The following FAM53A variants were observed in gnomAD, a reference collection of about 807,000 sequenced individuals.
FAM53A encodes protein FAM53A.
Under a neutral mutation model 26.6 loss-of-function variants are expected in FAM53A, and 28 were observed. The observed-to-expected ratio is 1.05, with a 90% CI of 0.78 to 1.45. The LOEUF is 1.45. Ranked by LOEUF, FAM53A falls within the 40% of genes most tolerant of loss-of-function variation. FAM53A has a pLI of 0.00. For missense variants in FAM53A, 650 were observed against 575.8 expected (o/e 1.13, Z -1.32); for synonymous variants, 290 against 253.1 (o/e 1.15, Z -1.38).
the FAM53A span, among the ~76,000 whole-genome samples, chr4:1,594,660 T>C: frequency 1.3e-5 from 2 of 151,830 alleles, no homozygotes. Flanking sequence ...CTGGGCAACA[T>C]AGGGAGACTC....
At chr4:1,674,327 G>C (rs1577153430) in intron 1 of FAM53A, among the ~76,000 whole-genome samples, 2 of 152,200 alleles carry the variant, frequency 1.3e-5, no homozygotes, top group East Asian at 3.9e-4. Flanking sequence ...CCAATGATTG[G>C]GTTAGAGCCG....
chr4:1,669,561 G>A (rs1354448543), intron 1 of FAM53A, among the ~76,000 whole-genome samples: 1 of 152,220 alleles, frequency 6.6e-6, no homozygotes, highest in Non-Finnish European at 1.5e-5. Flanking sequence ...GAGGTGCCCA[G>A]CAAGGTGGCC....
chr4:1,614,511 G>C (rs1364943441), downstream of FAM53A, among the ~76,000 whole-genome samples: 22 of 146,800 alleles, frequency 1.5e-4, no homozygotes, highest in South Asian at 8.9e-4. Flanking sequence ...ACGTGAGGGG[G>C]ATGCAGAGAC....
chr4:1,605,970 C>T, the FAM53A span, among the ~76,000 whole-genome samples: 3 of 152,014 alleles, frequency 2.0e-5, no homozygotes, highest in Non-Finnish European at 4.4e-5. This position sits in a 1 kb window ranked among gnomAD's most constrained non-coding sequence, Gnocchi z 5.7. Flanking sequence ...GGCAGCATGA[C>T]TGACGTTAGC....
chr4:1,685,910 C>T (rs1378160584), upstream of FAM53A, among the ~76,000 whole-genome samples: 3 of 152,158 alleles, frequency 2.0e-5, no homozygotes, highest in Admixed American at 2.0e-4. Flanking sequence ...CATCCTGGCC[C>T]CTGTGGACTG....
chr4:1,625,202 G>C (rs113926006), intron 1 of FAM53A, among the ~76,000 whole-genome samples: 3 of 29,084 alleles, frequency 1.0e-4, no homozygotes, highest in Admixed American at 3.6e-4. Context: ...TGATCAGAAG[G>C]CCCCACGTCC....
chr4:1,656,046 T>C (rs1435959317), intron 3 of FAM53A, among the ~76,000 whole-genome samples: 1 of 152,154 alleles, frequency 6.6e-6, no homozygotes, highest in Non-Finnish European at 1.5e-5. Context: ...TCTTCCCGCA[T>C]CCTCAAAATG....
downstream of FAM53A, among the ~76,000 whole-genome samples, chr4:1,637,331 G>A (rs1444321711): frequency 6.6e-6 from 1 of 152,218 alleles, no homozygotes; most frequent in East Asian, 1.9e-4. Flanking sequence ...CTGCCAGGGA[G>A]GCTCCCAGCC....
At chr4:1,618,870 G>A (rs1714909631) in intron 1 of FAM53A, among the ~76,000 whole-genome samples, 1 of 152,140 alleles carries the variant, frequency 6.6e-6, no homozygotes. Context: ...GGGCTGGGCT[G>A]AGGCCTCCAC....
downstream of FAM53A, among the ~76,000 whole-genome samples, chr4:1,638,145 G>C (rs1159244572): frequency 1.3e-5 from 2 of 151,964 alleles, no homozygotes; most frequent in Non-Finnish European, 2.9e-5. Flanking sequence ...CCGGCCTCAG[G>C]CAGGTGACCC....
rs1161160834 is a variant in FAM53A at position 1,641,621 on chromosome 4, G to T, written c.883-14C>A. ...ATTTTTTAAAGTCTGCAATAGAAAA[G>T]ATACGGGCTTAAAGCATTTCTAGCA... On this transcript the variant is annotated splice_polypyrimidine_tract_variant and intron_variant, in intron 4 of 4. Coordinates refer to ENST00000308132, the MANE Select transcript of FAM53A (RefSeq NM_001174070.3). 1 of 1,613,684 alleles carries T rather than the reference G, an allele frequency of 6.2e-7. No individual in the cohort carries two copies. The highest frequency in any genetic ancestry group is 1.1e-5 in the South Asian group (1 of 91,004).
chr4:1,603,040 G>A, the FAM53A span, among the ~76,000 whole-genome samples: 2 of 152,276 alleles, frequency 1.3e-5, no homozygotes, highest in South Asian at 2.1e-4. Context: ...ATTTCACAAC[G>A]AGGGCCCTGA....
At chr4:1,669,490 G>C (rs752736786) in intron 1 of FAM53A, among the ~76,000 whole-genome samples, 6 of 152,232 alleles carry the variant, frequency 3.9e-5, no homozygotes, top group South Asian at 2.1e-4. Context: ...AGATCCGTCT[G>C]TACTGCAGGC....
chr4:1,594,753 G>A, the FAM53A span, among the ~76,000 whole-genome samples: 2 of 152,186 alleles, frequency 1.3e-5, no homozygotes, highest in South Asian at 2.1e-4. Flanking sequence ...TGAGACAGGA[G>A]GATCACTTGA....
downstream of FAM53A, among the ~76,000 whole-genome samples, chr4:1,613,377 C>G (rs1714698019): frequency 6.6e-6 from 1 of 152,210 alleles, no homozygotes; most frequent in Admixed American, 6.5e-5. Flanking sequence ...CCCTCAAAAC[C>G]CTCGGTAAGG....
rs977626442 is a variant in FAM53A, at chr4:1,659,625, T to TC, written c.76-2158dup. On this transcript the variant is annotated intron_variant, in intron 2 of 4. Coordinates refer to ENST00000308132, the MANE Select transcript of FAM53A (RefSeq NM_001174070.3). This position sits in a 1 kb window ranked among gnomAD's most constrained non-coding sequence, Gnocchi z 5.2. ...GTGCAGCAGACAAACAGAGCCAGGG[T>TC]CCCCGGGAGACAGGAAAGGCTGGGC... Among the ~76,000 whole-genome samples the TC allele has an allele frequency of 3.8e-4, 58 of 152,036 alleles. No homozygotes were observed. The highest frequency in any genetic ancestry group is 1.2e-3 in the African/African-American group (51 of 41,442).
chr4:1,668,810 GC>G lies in FAM53A; in HGVS notation c.-70del. 6.7e-7 allele frequency: 1 copy of G among 1,494,184 alleles called. No homozygotes were observed. The highest frequency in any genetic ancestry group is 9.3e-7 in the Non-Finnish European group (1 of 1,075,452). The allele number at this position is 1,494,184 out of a possible 1,614,324, so 92.6% of individuals were successfully genotyped here. On this transcript the variant is annotated 5_prime_UTR_variant, in exon 2 of 5. The change abolishes the stop of an existing upstream ORF in the 5' untranslated region. Coordinates refer to ENST00000308132, the MANE Select transcript of FAM53A (RefSeq NM_001174070.3). ...GTCCTGGAACATCAGACTTGCGAAG[GC>G]CCCAGCATTGCTGGGTCAGCCAAAT...
At chr4:1,604,675 G>A in the FAM53A span, among the ~76,000 whole-genome samples, 6 of 152,168 alleles carry the variant, frequency 3.9e-5, no homozygotes, top group South Asian at 6.2e-4. Context: ...TTCCTCCGAC[G>A]GACACGGCCA....
chr4:1,593,325 A>T, the FAM53A span, among the ~76,000 whole-genome samples: 1 of 152,006 alleles, frequency 6.6e-6, no homozygotes, highest in Non-Finnish European at 1.5e-5. Context: ...AGCCCAGGCC[A>T]GGGGAGGCTG....
Sources: gnomAD v4.1 joint callset for allele counts (sites outside exome capture counted in the v4.1 genomes callset) on GRCh38, gnomAD v4.1.1 for gene constraint, Gnocchi (gnomAD v3.1) non-coding constraint, MANE v1.5 for transcripts, NCBI Gene and HGNC (gene_info 2026-07-23, HGNC 2026-07-21) for gene names.